GPHN: variants seen among roughly 807,000 people sequenced by gnomAD.
The protein encoded by GPHN is gephyrin.
A neutral mutation model predicts 95.5 loss-of-function variants in GPHN; 17 were observed. The observed-to-expected ratio is 0.18, with a 90% CI of 0.12 to 0.27. GPHN has a LOEUF of 0.27. Among genes scored for constraint, GPHN ranks in the 10% least tolerant of loss-of-function variants. The probability of loss-of-function intolerance (pLI) is 1.00; values close to 1 mark genes in which losing one functional copy is unlikely to be tolerated. For missense variants in GPHN, 660 were observed against 978.1 expected (o/e 0.67, Z 4.34); for synonymous variants, 320 against 322.5 (o/e 0.99, Z 0.08).
the GPHN span, chr14:67,650,039 G>GTAAC: frequency 2.0e-5 from 3 of 152,180 alleles, no homozygotes; most frequent in East Asian, 5.8e-4. Flanking sequence ...TTAACAGAAG[G>GTAAC]TAACTGAAGT....
chr14:67,520,026 A>G, the GPHN span, among the ~76,000 whole-genome samples: 1 of 152,016 alleles, frequency 6.6e-6, no homozygotes, highest in Non-Finnish European at 1.5e-5. Context: ...CCTGACCTAG[A>G]CTTTATTTTT....
chr14:66,961,900 G>GTATATATATATATATGTGTATATATATA (rs2068930764), intron 8 of GPHN, among the ~76,000 whole-genome samples: 1 of 52,958 alleles, frequency 1.9e-5, no homozygotes, highest in African/African-American at 5.4e-5. Context: ...CCCTGAATGT[G>GTATATATATATATATGTGTATATATATA]TATATATATA....
intron 18 of GPHN, among the ~76,000 whole-genome samples, chr14:67,156,066 G>A (rs963626962): frequency 2.0e-5 from 3 of 152,124 alleles, no homozygotes; most frequent in Non-Finnish European, 2.9e-5. Context: ...AACAAAAACT[G>A]TGCGGACCTA....
chr14:67,415,378 C>T, the GPHN span, among the ~76,000 whole-genome samples: 1 of 151,886 alleles, frequency 6.6e-6, no homozygotes, highest in African/African-American at 2.4e-5. Context: ...TTTAATCATT[C>T]CCATGTAGGT....
chr14:67,513,847 T>C, the GPHN span, among the ~76,000 whole-genome samples: 3 of 152,164 alleles, frequency 2.0e-5, no homozygotes, highest in African/African-American at 7.2e-5. Flanking sequence ...TGGTCACATG[T>C]AAGCCAGCTC....
At chr14:66,605,390 T>C (rs2062472482) in intron 1 of GPHN, among the ~76,000 whole-genome samples, 1 of 152,148 alleles carries the variant, frequency 6.6e-6, no homozygotes, top group Non-Finnish European at 1.5e-5. Flanking sequence ...ATAATCACCA[T>C]TCTGACTGGT....
chr14:67,505,783 T>C, the GPHN span, among the ~76,000 whole-genome samples: 1 of 152,028 alleles, frequency 6.6e-6, no homozygotes, highest in Non-Finnish European at 1.5e-5. Flanking sequence ...CTCAGCTCAC[T>C]GCAACCTCTG....
At chr14:66,936,243 G>A (rs746067779) in intron 8 of GPHN, among the ~76,000 whole-genome samples, 5 of 152,034 alleles carry the variant, frequency 3.3e-5, no homozygotes, top group African/African-American at 7.2e-5. Context: ...GCCAGGCGTG[G>A]TGGCGGGCAC....
chr14:66,645,823 C>G (rs2064716728), intron 1 of GPHN, among the ~76,000 whole-genome samples: 1 of 151,592 alleles, frequency 6.6e-6, no homozygotes, highest in Admixed American at 6.6e-5. Context: ...TCAGACTAAC[C>G]CTATGATCTC....
At chr14:66,737,498 A>C (rs181395830) in intron 2 of GPHN, among the ~76,000 whole-genome samples, 1 of 150,404 alleles carries the variant, frequency 6.6e-6, no homozygotes, top group East Asian at 2.0e-4. Flanking sequence ...ATCTCTTTCA[A>C]CTCCCTTTTT....
At chr14:67,248,771 A>G in the GPHN span, among the ~76,000 whole-genome samples, 1,046 of 152,292 alleles carry the variant, frequency 6.9e-3, 18 homozygotes, top group African/African-American at 0.024. Flanking sequence ...TTACTTATAA[A>G]AATAAGGTGT....
chr14:66,737,049 C>G (rs1211019138), intron 2 of GPHN, among the ~76,000 whole-genome samples: 5 of 152,166 alleles, frequency 3.3e-5, no homozygotes, highest in Non-Finnish European at 7.4e-5. Flanking sequence ...TGGTTATTTT[C>G]AAATCTGCCT....
intron 1 of GPHN, among the ~76,000 whole-genome samples, chr14:66,543,324 A>G (rs1048119979): frequency 3.3e-5 from 5 of 152,214 alleles, no homozygotes; most frequent in East Asian, 1.9e-4. Context: ...TAATTTCTCA[A>G]TAGTCATCAT....
chr14:66,542,003 C>T (rs1196497234), intron 1 of GPHN, among the ~76,000 whole-genome samples: 1 of 152,192 alleles, frequency 6.6e-6, no homozygotes. Context: ...TGAGTCATCA[C>T]TTTCTCTTCT....
intron 17 of GPHN, among the ~76,000 whole-genome samples, chr14:67,134,792 G>A (rs1250408510): frequency 2.0e-5 from 3 of 150,368 alleles, no homozygotes; most frequent in African/African-American, 7.3e-5. Context: ...ACATTTGCCT[G>A]GTGACTTTTT....
chr14:66,992,320 ATCT>A (rs1194490772), intron 9 of GPHN, among the ~76,000 whole-genome samples: 1 of 152,172 alleles, frequency 6.6e-6, no homozygotes, highest in African/African-American at 2.4e-5. Context: ...TATGACAATT[ATCT>A]ATAAGTACTT....
intron 1 of GPHN, among the ~76,000 whole-genome samples, chr14:66,607,540 C>T (rs534831855): frequency 6.6e-6 from 1 of 151,940 alleles, no homozygotes; most frequent in African/African-American, 2.4e-5. Flanking sequence ...GGGAGTCCCT[C>T]CTCCTCAATT....
At chr14:67,255,210 C>T in the GPHN span, among the ~76,000 whole-genome samples, 1 of 151,726 alleles carries the variant, frequency 6.6e-6, no homozygotes, top group Non-Finnish European at 1.5e-5. Flanking sequence ...ACTTCAGACA[C>T]GTTTTTCAGG....
At chr14:67,359,579 A>G in the GPHN span, 1 of 1,503,642 alleles carries the variant, frequency 6.7e-7, no homozygotes, top group Non-Finnish European at 9.2e-7. Context: ...AAGGACCCTC[A>G]CTGTGGCCCA....
Sources: allele counts gnomAD v4.1 joint callset (sites outside exome capture counted in the v4.1 genomes callset), GRCh38; gene constraint gnomAD v4.1.1; transcripts MANE v1.5; gene names NCBI Gene and HGNC (gene_info 2026-07-23, HGNC 2026-07-21).